The following KIAA1755 variants were observed in gnomAD, a reference collection of about 807,000 sequenced individuals.
KIAA1755 encodes the protein KIAA1755.
In KIAA1755, 68 loss-of-function variants were observed where a neutral mutation model predicts 91.7. That is an observed-to-expected ratio of 0.74 (90% CI 0.61 to 0.91). The LOEUF (loss-of-function observed/expected upper bound fraction) is 0.91, where lower values mean the gene tolerates loss of function less well. KIAA1755 is among the 40% of genes least tolerant of loss of function. The probability of loss-of-function intolerance (pLI) is 0.00; values close to 1 mark genes in which losing one functional copy is unlikely to be tolerated. For missense variants in KIAA1755, 1,535 were observed against 1,494.4 expected, an observed-to-expected ratio of 1.03 and a Z score of -0.45; for synonymous variants, 610 against 604.6, an observed-to-expected ratio of 1.01 and a Z score of -0.13.
chr20:38,256,382 A>G (rs1025850409), intron 1 of KIAA1755, among the ~76,000 whole-genome samples: 2 of 152,172 alleles, frequency 1.3e-5, no homozygotes, highest in African/African-American at 4.8e-5. Flanking sequence ...CTTTCCAATC[A>G]TCATGGGCCC....
chr20:38,239,590 G>C lies in KIAA1755; in HGVS notation c.1685C>G (p.Pro562Arg), dbSNP rs1421310381. The change falls in exon 4 of 14, where the codon CCT becomes CGT. Residue 562 changes from proline (P) to arginine (R), a missense_variant. Coordinates refer to ENST00000279024, the MANE Select transcript of KIAA1755 (RefSeq NM_001029864.2). The part of the protein sequence containing the change: ...GPTLEEEPPG[P>R]EPRIGALGVK... ...ACCTAGAGCCCCAATCCTGGGCTCA[G>C]GCCCTGGGGGCTCCTCCTCCAGGGT... 1.2e-6 allele frequency: 2 copies of C among 1,608,584 alleles called. No homozygotes were observed. Among genetic ancestry groups the C allele is most frequent in the Admixed American group, 1.7e-5 (1 of 58,456 alleles).
rs376914430 is a variant in KIAA1755, at chr20:38,241,532, G to C, written c.599C>G (p.Ala200Gly). The C allele has an allele frequency of 1.2e-6, 2 of 1,614,114 alleles. No homozygotes were observed. The highest frequency in any genetic ancestry group is 1.7e-6 in the Non-Finnish European group (2 of 1,180,042). Residue 200 changes from alanine to glycine, a missense_variant, in exon 3 of 14, where the codon GCC becomes GGC. By Grantham distance (60) the Ala-to-Gly change is moderately conservative (BLOSUM62 0). Transcript: ENST00000279024. Reference sequence around the variant, plus strand: ...TGCCTCTAATGGAAGGGGCCCCCAGGCTTGGCAGAGGGCATTCACTACTTG... The same window carrying C: ...TGCCTCTAATGGAAGGGGCCCCCAGCCTTGGCAGAGGGCATTCACTACTTG... ...RPQVVNALCQ[A>G]WGPLPLEALD...
chr20:38,223,739 C>A, intron 8 of KIAA1755, 103 bp from the exon 9 acceptor site: 2 of 777,338 alleles, frequency 2.6e-6, no homozygotes, highest in Admixed American at 2.8e-5. Flanking sequence ...CAGTGGCTCT[C>A]CAACTCCAGG....
At chr20:38,214,121 T>G (rs983455797) in intron 13 of KIAA1755, among the ~76,000 whole-genome samples, 8 of 152,006 alleles carry the variant, frequency 5.3e-5, no homozygotes, top group Non-Finnish European at 7.4e-5. Flanking sequence ...CCAGCTAATT[T>G]TTGTATTTTT....
At chr20:38,232,607 G>A (rs1329216343) in intron 4 of KIAA1755, among the ~76,000 whole-genome samples, 2 of 148,358 alleles carry the variant, frequency 1.3e-5, no homozygotes, top group South Asian at 2.2e-4. Context: ...CAGCCTGGGC[G>A]ACAGAGTGAG....
chr20:38,241,687 T>C lies in KIAA1755; in HGVS notation c.444A>G (p.Glu148=). 6.2e-7 allele frequency: 1 copy of C among 1,614,248 alleles called. No individual in the cohort carries two copies. The part of the protein sequence containing the change: ...EPAYPILFTQ[E]WLEAINSDFE... ...AGTCACTGTTGATGGCCTCCAGCCATTCTTGGGTGAAAAGTATAGGGTAGG... is the reference window on the plus strand; with the variant it reads ...AGTCACTGTTGATGGCCTCCAGCCACTCTTGGGTGAAAAGTATAGGGTAGG... Residue 148 remains glutamate (E), a synonymous_variant, in exon 3 of 14, where the codon GAA becomes GAG. Coordinates refer to ENST00000279024, the MANE Select transcript of KIAA1755 (RefSeq NM_001029864.2).
intron 1 of KIAA1755, chr20:38,260,148 T>TCA (rs2076420840): frequency 3.9e-6 from 5 of 1,290,224 alleles, no homozygotes; most frequent in Non-Finnish European, 4.0e-6. Context: ...AATGTGCATA[T>TCA]CACAGTCAGT....
At chr20:38,254,541 A>C (rs1298577305) in intron 1 of KIAA1755, among the ~76,000 whole-genome samples, 2 of 152,172 alleles carry the variant, frequency 1.3e-5, no homozygotes, top group African/African-American at 4.8e-5. Context: ...TAATCCCAGC[A>C]CTTTGGGAGG....
At chr20:38,228,990 C>G (rs927776873) in intron 5 of KIAA1755, among the ~76,000 whole-genome samples, 1 of 152,162 alleles carries the variant, frequency 6.6e-6, no homozygotes, top group East Asian at 1.9e-4. Context: ...ATACAGATTC[C>G]TCACCCTACT....
rs2076275983 is a variant in KIAA1755, at chr20:38,252,882, C to G, written c.4-6756G>C. 2.0e-5 allele frequency among the ~76,000 whole-genome samples: 3 copies of G among 152,208 alleles called. No homozygotes were observed. In the South Asian group the frequency reaches 6.2e-4, roughly 31 times the overall value. On this transcript the variant is annotated intron_variant, in intron 1 of 13. Coordinates refer to ENST00000279024, the MANE Select transcript of KIAA1755 (RefSeq NM_001029864.2). ...CCATCCAAGTATTGGAGGAAGCACA[C>G]TGTGGTGGGTGTGGGGGTGCCCAGG...
At chr20:38,225,824 G>A (rs559692474) in intron 7 of KIAA1755, 43 bp from the exon 8 acceptor site, 7 of 1,258,434 alleles carry the variant, frequency 5.6e-6, no homozygotes, top group South Asian at 1.5e-5. Flanking sequence ...TCAAAGTGAG[G>A]ACAGTCATTT....
intron 2 of KIAA1755, among the ~76,000 whole-genome samples, chr20:38,244,016 T>C (rs751139450): frequency 6.6e-6 from 1 of 152,234 alleles, no homozygotes; most frequent in Non-Finnish European, 1.5e-5. Flanking sequence ...CTGGGGCATC[T>C]GAACCCAGAA....
intron 6 of KIAA1755, among the ~76,000 whole-genome samples, 153 bp downstream of exon 6, chr20:38,227,994 C>T (rs1019397579): frequency 2.0e-5 from 3 of 152,222 alleles, no homozygotes; most frequent in Non-Finnish European, 4.4e-5. Flanking sequence ...GAGCTTCAAG[C>T]TTGTTAGGGC....
Position 38,212,992 on chromosome 20 carries a change from G to T in KIAA1755, c.*50C>A. On this transcript the variant is annotated 3_prime_UTR_variant, in exon 14 of 14. Coordinates refer to ENST00000279024, the MANE Select transcript of KIAA1755 (RefSeq NM_001029864.2). ...AGCTCCCAGCTACCCCTCCAGCTGG[G>T]CCCTGGCCCAGTGCTCCTGGAGGCT... is the stretch of plus-strand genomic sequence containing the variant. The T allele has an allele frequency of 7.0e-7, 1 of 1,435,150 alleles. No homozygotes were observed. The allele number at this position is 1,435,150 out of a possible 1,614,324, so 88.9% of individuals were successfully genotyped here.
At position 38,217,269 on chromosome 20, in the gene KIAA1755, T is replaced by G; in HGVS notation, c.2885A>C (p.His962Pro). Residue 962 changes from histidine (H) to proline (P), a missense_variant, in exon 13 of 14, where the codon CAC (histidine) becomes CCC (proline). Physicochemically the swap from His to Pro is moderately conservative, Grantham distance 77. Coordinates refer to ENST00000279024, the MANE Select transcript of KIAA1755 (RefSeq NM_001029864.2). ...GGGGCTCACCCTCTTGCAGAAGCGG[T>G]GCAGGTGGAGCAGCGTCTCGAGGTC... is the stretch of plus-strand genomic sequence containing the variant. ...RTDLETLLHL[H>P]RFCKRMTWFH... 2 of 1,602,238 alleles carry G rather than the reference T, an allele frequency of 1.2e-6. No individual in the cohort carries two copies. The highest frequency in any genetic ancestry group is 2.3e-5 in the South Asian group (2 of 88,718).
At chr20:38,232,935 T>A (rs1403967574) in intron 4 of KIAA1755, among the ~76,000 whole-genome samples, 1 of 151,978 alleles carries the variant, frequency 6.6e-6, no homozygotes, top group Non-Finnish European at 1.5e-5. Flanking sequence ...CTGGGCAACA[T>A]AGCAAGACCT....
intron 7 of KIAA1755, among the ~76,000 whole-genome samples, chr20:38,226,120 T>C (rs1160417972): frequency 1.3e-5 from 2 of 152,196 alleles, no homozygotes; most frequent in Non-Finnish European, 2.9e-5. Context: ...TACAAACTGA[T>C]GGAAGCTGGC....
intron 8 of KIAA1755, among the ~76,000 whole-genome samples, chr20:38,224,941 C>G (rs2075728777): frequency 6.6e-6 from 1 of 152,132 alleles, no homozygotes; most frequent in African/African-American, 2.4e-5. Flanking sequence ...AGACCCTGAG[C>G]TTCCTGAGTT....
intron 2 of KIAA1755, 86 bp downstream of exon 2, chr20:38,245,843 C>T: frequency 7.7e-7 from 1 of 1,303,266 alleles, no homozygotes; most frequent in Non-Finnish European, 1.1e-6. Context: ...AAGACACAGG[C>T]CAGCCCACCT....
Sources: gnomAD v4.1 joint callset for allele counts (sites outside exome capture counted in the v4.1 genomes callset) on GRCh38, gnomAD v4.1.1 for gene constraint, MANE v1.5 for transcripts, NCBI Gene and HGNC (gene_info 2026-07-23, HGNC 2026-07-21) for gene names.